Variants in SH3BP2 observed in about 807,000 individuals in gnomAD.
SH3BP2 encodes the protein SH3 domain binding protein 2, also known as SH3 domain-binding protein 2.
In SH3BP2, 38 loss-of-function variants were observed where a neutral mutation model predicts 56.2. That is an observed-to-expected ratio of 0.68 (90% CI 0.52 to 0.89). The LOEUF (loss-of-function observed/expected upper bound fraction) is 0.89, where lower values mean the gene tolerates loss of function less well. Among genes scored for constraint, SH3BP2 ranks in the 40% least tolerant of loss-of-function variants. The pLI is 0.00. For missense variants in SH3BP2, 748 were observed against 762.6 expected (o/e 0.98, Z 0.23); for synonymous variants, 346 against 316.7 (o/e 1.09, Z -0.98).
intron 1 of SH3BP2, chr4:2,798,602 G>C (rs915184574): frequency 6.6e-6 from 1 of 152,610 alleles, no homozygotes; most frequent in Admixed American, 6.5e-5. Context: ...CCAGTGGGGT[G>C]AGTGGCTGGC....
rs1389585983 is a variant in SH3BP2 at position 2,810,587 on chromosome 4, C to T, written c.-4-10027C>T. On this transcript the variant is annotated intron_variant, in intron 1 of 12. Transcript: ENST00000503393. This position sits in a 1 kb window ranked among gnomAD's most constrained non-coding sequence, Gnocchi z 4.2. ...ATGGGTTGTCATCCCTGAAGCTGTG[C>T]GTTGGCCACCTCATTGCCTGTGGAT... Among the ~76,000 whole-genome samples the T allele has an allele frequency of 1.3e-5, 2 of 151,906 alleles. No homozygotes were observed. Among genetic ancestry groups the T allele is most frequent in the African/African-American group, 2.4e-5 (1 of 41,336 alleles).
chr4:2,803,417 G>A (rs1274431872), intron 1 of SH3BP2, among the ~76,000 whole-genome samples: 4 of 152,240 alleles, frequency 2.6e-5, no homozygotes, highest in Admixed American at 1.3e-4. Flanking sequence ...GGGACCCAGT[G>A]CTGGGCCAAG....
rs568332811 is a variant in SH3BP2, at chr4:2,840,234, C to CAAAAAAAAAA, written c.*6411_*6420dup. Reference sequence around the variant, plus strand: ...AGTGAGACCCTATCTCAAAAAAAACCAAAAAAAAAAAAAAAAAAAAGAAAA... The same window carrying CAAAAAAAAAA: ...AGTGAGACCCTATCTCAAAAAAAACCAAAAAAAAAAAAAAAAAAAAAAAAAAAAAAGAAAA... On this transcript the variant is annotated 3_prime_UTR_variant, in exon 13 of 13. Transcript: ENST00000503393. The CAAAAAAAAAA allele has an allele frequency of 9.3e-4, 77 of 82,560 alleles. No homozygotes were observed. The highest frequency in any genetic ancestry group is 1.5e-3 in the African/African-American group (27 of 18,476). The allele number at this position is 82,560 out of a possible 1,614,324, so 5.1% of individuals were successfully genotyped here.
intron 1 of SH3BP2, among the ~76,000 whole-genome samples, chr4:2,807,892 G>T (rs1417233435): frequency 6.6e-6 from 1 of 152,266 alleles, no homozygotes; most frequent in Non-Finnish European, 1.5e-5. Flanking sequence ...GGAGGCTGTG[G>T]GCACCTGCGG....
At position 2,818,648 on chromosome 4, in the gene SH3BP2, C is replaced by A. The variant is rs28446770; in HGVS notation, c.-4-1966C>A. ...CACGGGGCTCCCTCCTCCATCCCCA[C>A]TGCGGGGCTCCTTCGGGCCGGGCGC... On this transcript the variant is annotated intron_variant, in intron 1 of 12. Coordinates refer to ENST00000503393, the MANE Select transcript of SH3BP2 (RefSeq NM_001122681.2). 3.4e-3 allele frequency: 3,101 copies of A among 917,146 alleles called. 73 individuals are homozygous for A. The African/African-American group carries it at 0.05, about 15-fold the overall frequency. 56.8% of individuals were successfully genotyped at this position (917,146 alleles called of 1,614,324 possible).
rs1214697183 is a variant in SH3BP2, at chr4:2,831,029, GA to G, written c.1242-541del. On this transcript the variant is annotated intron_variant, in intron 8 of 12. Coordinates refer to ENST00000503393, the MANE Select transcript of SH3BP2 (RefSeq NM_001122681.2). The surrounding 1 kb of genome is among the most constrained non-coding windows in gnomAD (Gnocchi z 4.1). The stretch of plus-strand genomic sequence containing the variant: ...AGTCACGTTTTTCCATGACTGTGGG[GA>G]TAGCGGTTCCAGGGCTCAGCCTCAC... 6.6e-6 allele frequency among the ~76,000 whole-genome samples: 1 copy of G among 152,366 alleles called. No homozygotes were observed. The highest frequency in any genetic ancestry group is 1.9e-4 in the East Asian group (1 of 5,184).
At position 2,829,206 on chromosome 4, in the gene SH3BP2, T is replaced by G. The variant is rs1034929150; in HGVS notation, c.587-287T>G. Among the ~76,000 whole-genome samples the G allele has an allele frequency of 6.6e-6, 1 of 152,180 alleles. No individual in the cohort carries two copies. The highest frequency in any genetic ancestry group is 1.5e-5 in the Non-Finnish European group (1 of 68,022). ...CTTGACTTCTCTTCCTTTCTCTTCC[T>G]TCCACCTCTGGGAACCTGATGGGCT... On this transcript the variant is annotated intron_variant, in intron 7 of 12. Coordinates refer to ENST00000503393, the MANE Select transcript of SH3BP2 (RefSeq NM_001122681.2). This position sits in a 1 kb window ranked among gnomAD's most constrained non-coding sequence, Gnocchi z 4.9.
intron 11 of SH3BP2, 79 bp from the exon 12 acceptor site, chr4:2,832,911 C>T (rs1178304849): frequency 6.9e-7 from 1 of 1,441,164 alleles, no homozygotes; most frequent in Non-Finnish European, 9.8e-7. Context: ...TTCTGCCCCC[C>T]TATCCCCAGC....
chr4:2,806,852 G>C (rs1320275053), intron 1 of SH3BP2, among the ~76,000 whole-genome samples: 1 of 152,270 alleles, frequency 6.6e-6, no homozygotes, highest in African/African-American at 2.4e-5. Flanking sequence ...GGAGATGTGA[G>C]AACATTGCAG....
At chr4:2,809,279 T>G (rs896694612) in intron 1 of SH3BP2, among the ~76,000 whole-genome samples, 4 of 148,426 alleles carry the variant, frequency 2.7e-5, no homozygotes, top group Non-Finnish European at 4.5e-5. Flanking sequence ...CTCCTAGGGC[T>G]CAGTGCCCAC....
chr4:2,795,463 G>A (rs1323417513), intron 1 of SH3BP2, among the ~76,000 whole-genome samples: 3 of 152,336 alleles, frequency 2.0e-5, no homozygotes, highest in East Asian at 1.9e-4. Context: ...GATTACAGGC[G>A]TGAGCCCCCA....
intron 1 of SH3BP2, among the ~76,000 whole-genome samples, chr4:2,815,483 C>G (rs1183837549): frequency 6.6e-6 from 1 of 152,250 alleles, no homozygotes; most frequent in African/African-American, 2.4e-5. Flanking sequence ...GAACGAGCCC[C>G]TCACAGGCCT....
intron 12 of SH3BP2, 129 bp from the exon 13 acceptor site, chr4:2,833,568 G>T: frequency 2.4e-6 from 3 of 1,269,466 alleles, no homozygotes; most frequent in Non-Finnish European, 3.3e-6. Flanking sequence ...GGGCACCACC[G>T]ACAGCCAGGG....
chr4:2,828,041 G>T (rs929802159), intron 7 of SH3BP2, among the ~76,000 whole-genome samples: 2 of 152,132 alleles, frequency 1.3e-5, no homozygotes, highest in Non-Finnish European at 2.9e-5. Context: ...TGCAGGCCAG[G>T]TCGTTGTCCC....
chr4:2,833,829 A>G lies in SH3BP2; in HGVS notation c.1681A>G (p.Arg561Gly), dbSNP rs11542558. 1.3e-6 allele frequency: 2 copies of G among 1,568,574 alleles called. No homozygotes were observed. The highest frequency in any genetic ancestry group is 1.7e-6 in the Non-Finnish European group (2 of 1,157,774). Residue 561 changes from arginine (R) to glycine (G), a missense_variant, in exon 13 of 13, where the codon AGG (arginine) becomes GGG (glycine). Physicochemically the swap from Arg to Gly is moderately radical, Grantham distance 125 (BLOSUM62 -2). Around this residue, in one of 3 missense-constraint regions of SH3BP2, gnomAD observed 635 missense variants for 615.0 expected, o/e 1.03. Transcript: ENST00000503393. ...GCACCCCTACGGCTACACTGGGCCT[A>G]GGTGATGGCAGTCCATGTGGCTGCC... is the stretch of plus-strand genomic sequence containing the variant. Reference protein sequence around the residue: ...LRHPYGYTGPR With the variant: ...LRHPYGYTGPG
chr4:2,816,298 C>T (rs761212418), intron 1 of SH3BP2, among the ~76,000 whole-genome samples: 1 of 152,212 alleles, frequency 6.6e-6, no homozygotes, highest in Non-Finnish European at 1.5e-5. Flanking sequence ...GCCTCAGCCT[C>T]CCAAAGTGCT....
At chr4:2,805,418 G>C (rs1027892679) in intron 1 of SH3BP2, among the ~76,000 whole-genome samples, 1 of 152,194 alleles carries the variant, frequency 6.6e-6, no homozygotes, top group Non-Finnish European at 1.5e-5. Context: ...GAAGTGGGGT[G>C]CCTGGGGCTG....
At position 2,831,458 on chromosome 4, in the gene SH3BP2, T is replaced by C; in HGVS notation, c.1242-113T>C. 1.3e-6 allele frequency: 1 copy of C among 799,202 alleles called. No individual in the cohort carries two copies. The highest frequency in any genetic ancestry group is 1.5e-5 in the South Asian group (1 of 68,372). The allele number at this position is 799,202 out of a possible 1,614,324, so 49.5% of individuals were successfully genotyped here. On this transcript the variant is annotated intron_variant, in intron 8 of 12. Transcript: ENST00000503393. This position sits in a 1 kb window ranked among gnomAD's most constrained non-coding sequence, Gnocchi z 4.1. ...GAGCTTTTTAGGGTCACAGGGGCCA[T>C]AGCAGGCAGCTTGCCGTCCTCACAC...
intron 1 of SH3BP2, among the ~76,000 whole-genome samples, chr4:2,813,576 G>T (rs1413216997): frequency 6.6e-6 from 1 of 152,246 alleles, no homozygotes; most frequent in Non-Finnish European, 1.5e-5. Context: ...GCCCTGGCAG[G>T]GCTGGGAGTG....
Sources: allele counts gnomAD v4.1 joint callset (sites outside exome capture counted in the v4.1 genomes callset), GRCh38; gene constraint gnomAD v4.1.1; regional missense constraint gnomAD v4.1.1; non-coding constraint Gnocchi (gnomAD v3.1); transcripts MANE v1.5; gene names NCBI Gene and HGNC (gene_info 2026-07-23, HGNC 2026-07-21).